HPSE2: variants seen among roughly 807,000 people sequenced by gnomAD.
HPSE2 encodes heparanase 2 (inactive).
HPSE2 carries 38 observed loss-of-function variants against 60.5 expected under a neutral mutation model. The observed-to-expected ratio is 0.63, with a 90% CI of 0.48 to 0.82. The LOEUF (loss-of-function observed/expected upper bound fraction) is 0.82. HPSE2 is among the 40% of genes least tolerant of loss of function. The pLI, the probability that HPSE2 is intolerant of heterozygous loss-of-function variation, is 0.00. For synonymous variants in HPSE2, 295 were observed against 293.2 expected (o/e 1.01, Z -0.06); for missense variants, 713 against 740.4 (o/e 0.96, Z 0.43).
At chr10:98,502,995 T>C (rs778559193) in intron 9 of HPSE2, among the ~76,000 whole-genome samples, 4 of 152,076 alleles carry the variant, frequency 2.6e-5, no homozygotes, top group Non-Finnish European at 5.9e-5. Flanking sequence ...GTGGATCACC[T>C]GAGGCCAGGA....
intron 3 of HPSE2, among the ~76,000 whole-genome samples, chr10:98,759,425 GTCT>G (rs914890453): frequency 1.3e-5 from 2 of 152,008 alleles, no homozygotes; most frequent in Admixed American, 1.3e-4. Context: ...CAAGTTTTGG[GTCT>G]TATTGTTTTA....
intron 3 of HPSE2, among the ~76,000 whole-genome samples, chr10:98,956,994 G>A (rs1955526246): frequency 6.6e-6 from 1 of 152,152 alleles, no homozygotes; most frequent in Non-Finnish European, 1.5e-5. Flanking sequence ...ATGAGAGAGT[G>A]TGCAGGAAAA....
intron 11 of HPSE2, among the ~76,000 whole-genome samples, chr10:98,480,285 T>C (rs1941185040): frequency 1.3e-5 from 2 of 152,028 alleles, no homozygotes; most frequent in Non-Finnish European, 2.9e-5. Flanking sequence ...GGTTTCACCA[T>C]GTTGGCCAGG....
the HPSE2 span, among the ~76,000 whole-genome samples, chr10:99,289,564 CAT>C: frequency 6.6e-6 from 1 of 151,948 alleles, no homozygotes; most frequent in African/African-American, 2.4e-5. Context: ...AGTATTTTAA[CAT>C]AGGGGGAATA....
At chr10:98,792,931 C>G (rs1950690247) in intron 3 of HPSE2, among the ~76,000 whole-genome samples, 1 of 152,004 alleles carries the variant, frequency 6.6e-6, no homozygotes, top group Non-Finnish European at 1.5e-5. Flanking sequence ...CTTTATTAAA[C>G]AAATGCTTGC....
At chr10:98,598,013 C>A (rs904135089) in intron 9 of HPSE2, among the ~76,000 whole-genome samples, 1 of 147,278 alleles carries the variant, frequency 6.8e-6, no homozygotes, top group African/African-American at 2.5e-5. Flanking sequence ...TCTTTTGATG[C>A]TGTCCCATGG....
the HPSE2 span, among the ~76,000 whole-genome samples, chr10:99,247,300 T>C: frequency 6.6e-6 from 1 of 152,380 alleles, no homozygotes; most frequent in East Asian, 1.9e-4. Flanking sequence ...AAAACAATCT[T>C]AGTAAGGCAG....
chr10:99,061,991 T>C (rs1842459199), intron 3 of HPSE2, among the ~76,000 whole-genome samples: 1 of 152,104 alleles, frequency 6.6e-6, no homozygotes, highest in African/African-American at 2.4e-5. Context: ...AGAGAGGGCA[T>C]AGAGGAGGGA....
intron 2 of HPSE2, among the ~76,000 whole-genome samples, chr10:99,171,561 T>C (rs1166198447): frequency 1.3e-5 from 2 of 152,146 alleles, no homozygotes; most frequent in African/African-American, 2.4e-5. Flanking sequence ...AACAACCTTA[T>C]AAGAAAATTA....
At chr10:98,466,024 C>T (rs182749098) in intron 11 of HPSE2, among the ~76,000 whole-genome samples, 2 of 152,294 alleles carry the variant, frequency 1.3e-5, no homozygotes, top group East Asian at 3.9e-4. Context: ...CCTGGTCACT[C>T]CCCCGCTACC....
At chr10:99,103,670 T>C (rs367832814) in intron 3 of HPSE2, among the ~76,000 whole-genome samples, 1 of 152,250 alleles carries the variant, frequency 6.6e-6, no homozygotes, top group East Asian at 1.9e-4. Flanking sequence ...GAGCCCGCAT[T>C]GCCAAGACAA....
At chr10:98,709,280 G>A (rs1464561333) in intron 5 of HPSE2, among the ~76,000 whole-genome samples, 1 of 152,146 alleles carries the variant, frequency 6.6e-6, no homozygotes, top group Non-Finnish European at 1.5e-5. Context: ...CTGGGAGAGT[G>A]AAATTCTGTT....
intron 3 of HPSE2, among the ~76,000 whole-genome samples, chr10:98,834,173 T>C (rs1951742306): frequency 6.6e-6 from 1 of 152,066 alleles, no homozygotes; most frequent in Non-Finnish European, 1.5e-5. Context: ...TTCCTTACTA[T>C]AAGGACTCAG....
the HPSE2 span, among the ~76,000 whole-genome samples, chr10:99,267,439 A>G: frequency 6.6e-6 from 1 of 152,118 alleles, no homozygotes; most frequent in Non-Finnish European, 1.5e-5. Context: ...CACAAAGAAA[A>G]AAAATTTTTT....
At chr10:98,579,595 C>T (rs1944737271) in intron 9 of HPSE2, among the ~76,000 whole-genome samples, 2 of 152,206 alleles carry the variant, frequency 1.3e-5, no homozygotes, top group South Asian at 4.1e-4. Flanking sequence ...CCCCCTTCCA[C>T]TTCCTAATTC....
At chr10:98,535,894 G>C (rs1260111678) in intron 9 of HPSE2, among the ~76,000 whole-genome samples, 2 of 152,162 alleles carry the variant, frequency 1.3e-5, no homozygotes, top group Non-Finnish European at 2.9e-5. Flanking sequence ...ATACTCTAGA[G>C]TGTTTCTGGA....
intron 7 of HPSE2, among the ~76,000 whole-genome samples, chr10:98,621,908 G>A (rs1946085042): frequency 6.6e-6 from 1 of 152,218 alleles, no homozygotes; most frequent in Non-Finnish European, 1.5e-5. Flanking sequence ...GATGGCTAGA[G>A]TAGGAGGTGG....
At position 98,987,806 on chromosome 10, in the gene HPSE2, C is replaced by T. The variant is rs1231309028; in HGVS notation, c.610+156432G>A. On this transcript the variant is annotated intron_variant, in intron 3 of 11. Coordinates refer to ENST00000370552, the MANE Select transcript of HPSE2 (RefSeq NM_021828.5). ...GCCACTTCAGCAAAGTCTCAGCATACAAAATCAATGTGCAAAAATCACAAG... is the reference window on the plus strand; with the variant it reads ...GCCACTTCAGCAAAGTCTCAGCATATAAAATCAATGTGCAAAAATCACAAG... Among the ~76,000 whole-genome samples the T allele has an allele frequency of 2.0e-5, 3 of 152,210 alleles. No homozygotes were observed. In the East Asian group the frequency reaches 5.8e-4, roughly 29 times the overall value.
chr10:99,238,740 T>C (rs1482639742), upstream of HPSE2, among the ~76,000 whole-genome samples: 2 of 152,214 alleles, frequency 1.3e-5, no homozygotes, highest in Non-Finnish European at 1.5e-5. Context: ...AGTAGTTCAT[T>C]AGTAATCAGT....
Sources: gnomAD v4.1 joint callset for allele counts (sites outside exome capture counted in the v4.1 genomes callset) on GRCh38, gnomAD v4.1.1 for gene constraint, MANE v1.5 for transcripts, NCBI Gene and HGNC (gene_info 2026-07-23, HGNC 2026-07-21) for gene names.